The following USP48 variants were observed in gnomAD, a reference collection of about 807,000 sequenced individuals.
The protein encoded by USP48 is ubiquitin specific peptidase 48.
A neutral mutation model predicts 150.7 loss-of-function variants in USP48; 43 were observed. That is an observed-to-expected ratio of 0.29 (90% CI 0.22 to 0.37). The LOEUF is 0.37. Among genes scored for constraint, USP48 ranks in the 10% least tolerant of loss-of-function variants. USP48 has a pLI of 1.00. For synonymous variants in USP48, 396 were observed against 425.9 expected, an observed-to-expected ratio of 0.93 and a Z score of 0.86; for missense variants, 813 against 1,249.6, an observed-to-expected ratio of 0.65 and a Z score of 5.27.
chr1:21,717,680 G>A (rs1055396026), intron 14 of USP48, among the ~76,000 whole-genome samples: 8 of 151,966 alleles, frequency 5.3e-5, no homozygotes, highest in African/African-American at 1.2e-4. Flanking sequence ...TGTGACTGCC[G>A]GGCACGGTGG....
intron 1 of USP48, among the ~76,000 whole-genome samples, chr1:21,778,062 G>A (rs138026321): frequency 6.6e-6 from 1 of 150,430 alleles, no homozygotes; most frequent in Non-Finnish European, 1.5e-5. Flanking sequence ...AGAATCGCTT[G>A]AACCTGGGAG....
intron 14 of USP48, among the ~76,000 whole-genome samples, chr1:21,718,543 G>C (rs2097711091): frequency 6.7e-6 from 1 of 148,508 alleles, no homozygotes; most frequent in African/African-American, 2.5e-5. Flanking sequence ...AAGGGACACT[G>C]ATATATAAAG....
chr1:21,715,296 G>T, intron 15 of USP48, 93 bp downstream of exon 15: 5 of 939,460 alleles, frequency 5.3e-6, no homozygotes, highest in Non-Finnish European at 8.0e-6. Flanking sequence ...TCCCAGGTAA[G>T]ATGTGAGAGA....
intron 1 of USP48, among the ~76,000 whole-genome samples, chr1:21,769,039 T>C (rs929778762): frequency 3.3e-5 from 5 of 152,196 alleles, no homozygotes; most frequent in Non-Finnish European, 7.3e-5. Context: ...GTTTTCCCCA[T>C]GTATGTCTCC....
chr1:21,752,807 T>C (rs2097819950), intron 4 of USP48, among the ~76,000 whole-genome samples, 156 bp from the exon 5 acceptor site: 2 of 152,218 alleles, frequency 1.3e-5, no homozygotes, highest in Non-Finnish European at 1.5e-5. Context: ...TGTGCCCCCA[T>C]ATGAATTTCC....
intron 8 of USP48, among the ~76,000 whole-genome samples, chr1:21,737,002 A>C (rs1395114035): frequency 1.3e-5 from 2 of 152,186 alleles, no homozygotes; most frequent in African/African-American, 2.4e-5. Context: ...CGAAACTTAA[A>C]ACTTATACAA....
chr1:21,742,815 T>G (rs1371360741), intron 8 of USP48, among the ~76,000 whole-genome samples: 4 of 152,194 alleles, frequency 2.6e-5, no homozygotes, highest in East Asian at 3.9e-4. Flanking sequence ...ATGGCATGTA[T>G]CCTAGCCCTA....
chr1:21,705,882 T>G, intron 18 of USP48, 45 bp from the exon 19 acceptor site: 1 of 1,429,236 alleles, frequency 7.0e-7, no homozygotes, highest in Non-Finnish European at 9.6e-7. Flanking sequence ...AATTACTGCA[T>G]GACGAAAGAG....
intron 26 of USP48, among the ~76,000 whole-genome samples, chr1:21,680,592 C>T (rs1017497438): frequency 2.0e-5 from 3 of 152,230 alleles, no homozygotes; most frequent in African/African-American, 4.8e-5. Flanking sequence ...AGAAACAGTT[C>T]TAACACAAAA....
intron 1 of USP48, among the ~76,000 whole-genome samples, chr1:21,774,928 G>A (rs1247337175): frequency 1.3e-5 from 2 of 151,414 alleles, no homozygotes; most frequent in Non-Finnish European, 2.9e-5. Context: ...GGAGGCGGAG[G>A]TTGCAGTGAG....
rs943484579 is a variant in USP48, at chr1:21,678,553, C to T, written c.*864G>A. 3 of 152,098 alleles carry T rather than the reference C, an allele frequency of 2.0e-5. No homozygotes were observed. The highest frequency in any genetic ancestry group is 7.2e-5 in the African/African-American group (3 of 41,406). The allele number at this position is 152,098 out of a possible 1,614,324, so 9.4% of individuals were successfully genotyped here. The stretch of plus-strand genomic sequence containing the variant: ...ACAGGAAGAACAAATTTTATAGAAA[C>T]CTTGTGTTATCCAAATGTACTTCAG... On this transcript the variant is annotated 3_prime_UTR_variant, in exon 27 of 27. Coordinates refer to ENST00000308271, the MANE Select transcript of USP48 (RefSeq NM_032236.8).
intron 12 of USP48, among the ~76,000 whole-genome samples, chr1:21,722,828 C>T (rs1028830746): frequency 6.6e-6 from 1 of 152,060 alleles, no homozygotes; most frequent in Non-Finnish European, 1.5e-5. Context: ...GAGTGAGACA[C>T]TGTCTCAAAA....
chr1:21,684,979 C>A (rs939195121), intron 25 of USP48, among the ~76,000 whole-genome samples: 1 of 152,142 alleles, frequency 6.6e-6, no homozygotes, highest in Non-Finnish European at 1.5e-5. Flanking sequence ...ATGATGCCTC[C>A]AGCTTTGTTC....
At chr1:21,726,550 G>A (rs2097737642) in intron 11 of USP48, 1 of 152,168 alleles carries the variant, frequency 6.6e-6, no homozygotes, top group African/African-American at 2.4e-5. Context: ...TGAAGGAAGA[G>A]TGACTATGGT....
chr1:21,702,223 C>A (rs574745144), intron 21 of USP48, among the ~76,000 whole-genome samples: 1 of 152,098 alleles, frequency 6.6e-6, no homozygotes, highest in Non-Finnish European at 1.5e-5. Context: ...GCTTGTAAAG[C>A]AGAACCCTTG....
chr1:21,700,869 C>T (rs988526805), intron 22 of USP48, among the ~76,000 whole-genome samples: 1 of 151,896 alleles, frequency 6.6e-6, no homozygotes, highest in Admixed American at 6.6e-5. Context: ...ATCAGGAGTT[C>T]AAGACCAGCC....
chr1:21,756,025 C>A (rs961141573), intron 3 of USP48, among the ~76,000 whole-genome samples: 1 of 151,534 alleles, frequency 6.6e-6, no homozygotes, highest in Non-Finnish European at 1.5e-5. Flanking sequence ...ATTAGCCGGG[C>A]GTGGTGGTGC....
Position 21,715,459 on chromosome 1 carries a change from T to A in USP48, c.1895-2A>T. 6.5e-7 allele frequency: 1 copy of A among 1,545,004 alleles called. No individual in the cohort carries two copies. The highest frequency in any genetic ancestry group is 8.9e-7 in the Non-Finnish European group (1 of 1,119,710). On this transcript the variant is annotated splice_acceptor_variant, in intron 14 of 26. Transcript: ENST00000308271. LOFTEE classifies it high-confidence loss of function. Reference sequence around the variant, plus strand: ...CTTTTCTTTCTTCCTTTGATTCATCTAATCAAAAGAAATACAAATGATATC... The same window carrying A: ...CTTTTCTTTCTTCCTTTGATTCATCAAATCAAAAGAAATACAAATGATATC...
intron 14 of USP48, among the ~76,000 whole-genome samples, chr1:21,720,325 A>G (rs892405817): frequency 6.6e-6 from 1 of 152,228 alleles, no homozygotes; most frequent in Non-Finnish European, 1.5e-5. Context: ...GTGATTAACT[A>G]GAGAGAGCTT....
Sources: gnomAD v4.1 joint callset for allele counts (sites outside exome capture counted in the v4.1 genomes callset) on GRCh38, gnomAD v4.1.1 for gene constraint, MANE v1.5 for transcripts, NCBI Gene and HGNC (gene_info 2026-07-23, HGNC 2026-07-21) for gene names.